The following DDX24 variants were observed in gnomAD, a reference collection of about 807,000 sequenced individuals.
DDX24 encodes DEAD-box helicase 24.
A neutral mutation model predicts 68.9 loss-of-function variants in DDX24; 24 were observed. The ratio of observed to expected loss-of-function variants is 0.35; its 90% CI spans 0.25 to 0.49. The LOEUF (loss-of-function observed/expected upper bound fraction) is 0.49, where lower values mean the gene tolerates loss of function less well. Among genes scored for constraint, DDX24 ranks in the 20% least tolerant of loss-of-function variants. The probability of loss-of-function intolerance (pLI) is 0.99; values close to 1 mark genes in which losing one functional copy is unlikely to be tolerated. For missense variants in DDX24, 989 were observed against 1,039.0 expected (o/e 0.95, Z 0.66); for synonymous variants, 395 against 385.2 (o/e 1.03, Z -0.30).
chr14:94,066,310 A>T (rs2144306), intron 2 of DDX24, among the ~76,000 whole-genome samples: 81,357 of 151,894 alleles, frequency 0.54, 23,807 homozygotes, highest in African/African-American at 0.79. Context: ...CTGGGAATCT[A>T]ACCCCCATCC....
intron 2 of DDX24, among the ~76,000 whole-genome samples, chr14:94,072,981 T>A (rs199835750): frequency 1.4e-5 from 1 of 70,646 alleles, no homozygotes; most frequent in African/African-American, 4.2e-5. Context: ...GTGAAAAAAA[T>A]AAATAAATCA....
At chr14:94,055,330 CCT>C (rs578120525) in intron 6 of DDX24, 146 bp from the exon 7 acceptor site, 865 of 736,272 alleles carry the variant, frequency 1.2e-3, no homozygotes, top group Admixed American at 2.3e-3. Flanking sequence ...ATCTAGCCCT[CCT>C]CTCTTAGTCC....
intron 2 of DDX24, among the ~76,000 whole-genome samples, chr14:94,074,437 TCAC>T (rs1885894795): frequency 1.3e-5 from 2 of 152,206 alleles, no homozygotes; most frequent in Non-Finnish European, 2.9e-5. Context: ...TCAATGTCAT[TCAC>T]CACATTGGCA....
intron 7 of DDX24, among the ~76,000 whole-genome samples, chr14:94,054,215 G>A (rs955763998): frequency 6.6e-6 from 1 of 152,206 alleles, no homozygotes; most frequent in African/African-American, 2.4e-5. Flanking sequence ...AAGCCTGGGT[G>A]GCTCCTAATC....
chr14:94,072,897 A>C (rs1429090979), intron 2 of DDX24, among the ~76,000 whole-genome samples: 3 of 152,152 alleles, frequency 2.0e-5, no homozygotes, highest in African/African-American at 7.2e-5. Flanking sequence ...AACTTATGGA[A>C]AAATTTAAAA....
At chr14:94,073,275 C>G (rs1283748680) in intron 2 of DDX24, among the ~76,000 whole-genome samples, 1 of 151,888 alleles carries the variant, frequency 6.6e-6, no homozygotes, top group Admixed American at 6.6e-5. Context: ...TTAGTAGAGA[C>G]AGTTTCGCCA....
chr14:94,060,838 A>G, intron 4 of DDX24, 75 bp downstream of exon 4: 2 of 1,577,928 alleles, frequency 1.3e-6, no homozygotes, highest in East Asian at 2.2e-5. Flanking sequence ...AGAAGAAGGC[A>G]TTGCCCACAC....
intron 5 of DDX24, 98 bp from the exon 6 acceptor site, chr14:94,057,995 C>T (rs1885521677): frequency 9.0e-7 from 1 of 1,111,388 alleles, no homozygotes. Context: ...CAGTCCTTAC[C>T]AATACTCTGT....
chr14:94,067,676 A>G (rs1453693459), intron 2 of DDX24, among the ~76,000 whole-genome samples: 1 of 152,222 alleles, frequency 6.6e-6, no homozygotes, highest in Admixed American at 6.5e-5. Flanking sequence ...CTGGGGCCCT[A>G]TCTTCAACCT....
At chr14:94,055,696 T>A (rs2141422495) in intron 6 of DDX24, 1 of 153,260 alleles carries the variant, frequency 6.5e-6, no homozygotes, top group Non-Finnish European at 1.5e-5. Context: ...TTCATAAGAG[T>A]TCTAGAAATG....
chr14:94,077,606 C>A (rs546032574), intron 2 of DDX24, among the ~76,000 whole-genome samples: 15 of 152,332 alleles, frequency 9.8e-5, no homozygotes, highest in Admixed American at 5.9e-4. Flanking sequence ...GTGGTTGTGA[C>A]AACCGATTTC....
Position 94,060,169 on chromosome 14 carries a change from G to A in DDX24, c.1842C>T (p.Pro614=). Residue 614 remains proline, a synonymous_variant, in exon 5 of 9, where the codon CCC becomes CCT. Transcript: ENST00000621632. The part of the protein sequence containing the change: ...SGLLKVLDIM[P]LTLHACMHQK... Reference sequence around the variant, plus strand: ...GGTGCATACAGGCATGCAGGGTCAAGGGCATGATATCAAGGACTTTGAGGA... The same window carrying A: ...GGTGCATACAGGCATGCAGGGTCAAAGGCATGATATCAAGGACTTTGAGGA... 6.2e-7 allele frequency: 1 copy of A among 1,614,222 alleles called. No individual in the cohort carries two copies. Among genetic ancestry groups the A allele is most frequent in the Non-Finnish European group, 8.5e-7 (1 of 1,180,042 alleles).
chr14:94,056,275 T>C (rs968266851), intron 6 of DDX24: 4 of 152,240 alleles, frequency 2.6e-5, no homozygotes, highest in African/African-American at 9.6e-5. Flanking sequence ...TGACAAACTA[T>C]TGACTGATGG....
chr14:94,079,138 G>A lies in DDX24; in HGVS notation c.605C>T (p.Pro202Leu). ...SAWKDLFVPR[P>L]VLRALSFLGF... Reference sequence around the variant, plus strand: ...TAGAAAGCTGAGTGCTCGGAGAACCGGCCTGGGAACAAACAGGTCCTTCCA... The same window carrying A: ...TAGAAAGCTGAGTGCTCGGAGAACCAGCCTGGGAACAAACAGGTCCTTCCA... Residue 202 changes from proline to leucine, a missense_variant, in exon 2 of 9, where the codon CCG (proline) becomes CTG (leucine). Physicochemically the swap from Pro to Leu is moderately conservative, Grantham distance 98 (BLOSUM62 -3). Coordinates refer to ENST00000621632, the MANE Select transcript of DDX24 (RefSeq NM_020414.4). 10 of 1,614,184 alleles carry A rather than the reference G, an allele frequency of 6.2e-6. No individual in the cohort carries two copies. The South Asian group carries it at 6.6e-5, about 11-fold the overall frequency.
intron 2 of DDX24, among the ~76,000 whole-genome samples, chr14:94,073,997 C>A (rs182371771): frequency 2.3e-4 from 34 of 149,576 alleles, no homozygotes; most frequent in Admixed American, 1.9e-3. Context: ...GAGCTGAGAT[C>A]GCACCACTGC....
At chr14:94,054,535 T>C (rs1273662220) in intron 7 of DDX24, among the ~76,000 whole-genome samples, 1 of 152,198 alleles carries the variant, frequency 6.6e-6, no homozygotes, top group African/African-American at 2.4e-5. Context: ...CCACCCCACT[T>C]TGGTCACTAA....
At chr14:94,081,026 C>A (rs1459329485) in intron 1 of DDX24, 93 bp downstream of exon 1, 1 of 152,298 alleles carries the variant, frequency 6.6e-6, no homozygotes, top group East Asian at 1.9e-4. Context: ...CCCGGGAACC[C>A]ACCGGCCCAG....
At position 94,055,068 on chromosome 14, in the gene DDX24, A is replaced by C; in HGVS notation, c.2106T>G (p.Ile702Met). The C allele has an allele frequency of 6.2e-7, 1 of 1,614,150 alleles. No homozygotes were observed. The highest frequency in any genetic ancestry group is 1.1e-5 in the South Asian group (1 of 91,078). Residue 702 changes from isoleucine to methionine, a missense_variant, in exon 7 of 9, where the codon ATT becomes ATG. Coordinates refer to ENST00000621632, the MANE Select transcript of DDX24 (RefSeq NM_020414.4). ...CCTCATCTTTCTTGAGCGTTTTGTA[A>C]ATCTTCTTAAAGTTGATCACATCCT... The part of the protein sequence containing the change: ...GPEDVINFKK[I>M]YKTLKKDEDI...
chr14:94,080,714 C>CA (rs201658346), intron 1 of DDX24, among the ~76,000 whole-genome samples: 2,274 of 149,518 alleles, frequency 0.015, 41 homozygotes, highest in African/African-American at 0.048. Flanking sequence ...AAAAAACAAA[C>CA]AAAAAAAAAC....
Sources: allele counts gnomAD v4.1 joint callset (sites outside exome capture counted in the v4.1 genomes callset), GRCh38; gene constraint gnomAD v4.1.1; transcripts MANE v1.5; gene names NCBI Gene and HGNC (gene_info 2026-07-23, HGNC 2026-07-21).